The following RGS6 variants were observed in gnomAD, a reference collection of about 807,000 sequenced individuals.
RGS6 encodes regulator of G protein signaling 6.
In RGS6, 30 loss-of-function variants were observed where a neutral mutation model predicts 78.5. That is an observed-to-expected ratio of 0.38 (90% CI 0.29 to 0.52). RGS6 has a LOEUF of 0.52. RGS6 is among the 20% of genes least tolerant of loss of function. RGS6 has a pLI of 0.85. For synonymous variants in RGS6, 206 were observed against 206.0 expected (o/e 1.00, Z 0.00); for missense variants, 495 against 609.7 (o/e 0.81, Z 1.98).
chr14:71,884,989 A>T, the RGS6 span, among the ~76,000 whole-genome samples: 3 of 151,956 alleles, frequency 2.0e-5, no homozygotes, highest in African/African-American at 7.3e-5. Flanking sequence ...GCTAGTCCTG[A>T]CCTCCACCAT....
At chr14:72,370,158 A>AG (rs1230437204) in intron 3 of RGS6, among the ~76,000 whole-genome samples, 1 of 151,944 alleles carries the variant, frequency 6.6e-6, no homozygotes, top group Non-Finnish European at 1.5e-5. Flanking sequence ...GGTAAAAAAA[A>AG]AAAAAATTCA....
upstream of RGS6, among the ~76,000 whole-genome samples, chr14:71,929,613 T>C (rs147305452): frequency 1.5e-3 from 224 of 152,354 alleles, no homozygotes; most frequent in African/African-American, 5.0e-3. Context: ...TTTTTAGAGA[T>C]ATGCTTTGAG....
At chr14:71,949,386 T>A (rs2092018625) in intron 1 of RGS6, among the ~76,000 whole-genome samples, 1 of 152,188 alleles carries the variant, frequency 6.6e-6, no homozygotes, top group South Asian at 2.1e-4. Flanking sequence ...TGATGTCTTA[T>A]TATGGCTTCA....
At chr14:72,221,935 T>A (rs1045722149) in intron 2 of RGS6, among the ~76,000 whole-genome samples, 6 of 152,224 alleles carry the variant, frequency 3.9e-5, no homozygotes, top group African/African-American at 1.4e-4. Flanking sequence ...AGGAGATGTT[T>A]GGATGTGAAA....
intron 2 of RGS6, among the ~76,000 whole-genome samples, chr14:72,112,964 C>A (rs1235259317): frequency 1.3e-5 from 2 of 152,196 alleles, no homozygotes; most frequent in Non-Finnish European, 2.9e-5. Flanking sequence ...GAAAACAGTT[C>A]TCTTATGGGT....
intron 14 of RGS6, among the ~76,000 whole-genome samples, chr14:72,514,831 C>T (rs2096920818): frequency 6.6e-6 from 1 of 152,266 alleles, no homozygotes; most frequent in South Asian, 2.1e-4. Flanking sequence ...GGAGCGGTAC[C>T]TGCAGGTTTT....
chr14:72,332,755 G>A (rs911123959), intron 2 of RGS6, among the ~76,000 whole-genome samples: 15 of 152,212 alleles, frequency 9.9e-5, no homozygotes, highest in Non-Finnish European at 1.2e-4. Context: ...GGTGGGGGCT[G>A]TGGCAAGAGA....
At chr14:72,406,087 T>G (rs1440363950) in intron 3 of RGS6, among the ~76,000 whole-genome samples, 1 of 152,160 alleles carries the variant, frequency 6.6e-6, no homozygotes, top group Non-Finnish European at 1.5e-5. Flanking sequence ...GGCTCTTAGC[T>G]GCAAAAGAGG....
intron 2 of RGS6, among the ~76,000 whole-genome samples, chr14:72,276,288 G>A (rs182613435): frequency 3.9e-5 from 6 of 152,292 alleles, no homozygotes; most frequent in Non-Finnish European, 5.9e-5. Flanking sequence ...AATGGAAGGA[G>A]AGGGTCTACA....
At chr14:72,242,839 C>CTTTTTTTTTTTT (rs35675211) in intron 2 of RGS6, among the ~76,000 whole-genome samples, 30 of 69,128 alleles carry the variant, frequency 4.3e-4, no homozygotes, top group South Asian at 7.5e-4. Flanking sequence ...CATTTCTTTT[C>CTTTTTTTTTTTT]TTTTTTTTTT....
chr14:71,878,328 C>T, the RGS6 span, among the ~76,000 whole-genome samples: 1 of 152,216 alleles, frequency 6.6e-6, no homozygotes, highest in Non-Finnish European at 1.5e-5. Context: ...GTGGGCTCCA[C>T]CCAGTTCAAG....
At position 72,110,613 on chromosome 14, in the gene RGS6, G is replaced by T. The variant is rs943193753; in HGVS notation, c.84+145738G>T. Among the ~76,000 whole-genome samples, 3 of 152,280 alleles carry T rather than the reference G, an allele frequency of 2.0e-5. No individual in the cohort carries two copies. In the East Asian group the frequency reaches 5.8e-4, roughly 29 times the overall value. ...CCCTGAGCATCAGAGTGTAAATCCA[G>T]TTTCTCTTACTTGTGCAAACATGGA... On this transcript the variant is annotated intron_variant, in intron 2 of 17. Transcript: ENST00000553525.
chr14:72,363,718 A>G (rs1468012343), intron 3 of RGS6, among the ~76,000 whole-genome samples: 2 of 152,188 alleles, frequency 1.3e-5, no homozygotes, highest in Non-Finnish European at 1.5e-5. Flanking sequence ...ATAGTAAAAG[A>G]TTTTTATTTT....
At chr14:72,582,202 T>G in the RGS6 span, among the ~76,000 whole-genome samples, 1 of 152,096 alleles carries the variant, frequency 6.6e-6, no homozygotes, top group African/African-American at 2.4e-5. Flanking sequence ...GCCACCATAT[T>G]GGGGATCAAA....
chr14:71,927,176 GT>G, the RGS6 span, among the ~76,000 whole-genome samples: 1 of 152,216 alleles, frequency 6.6e-6, no homozygotes, highest in African/African-American at 2.4e-5. Flanking sequence ...CCTGGTGTAG[GT>G]TTTTAAAAAC....
intron 2 of RGS6, among the ~76,000 whole-genome samples, chr14:72,334,546 A>C (rs2075683446): frequency 6.6e-6 from 1 of 152,112 alleles, no homozygotes; most frequent in African/African-American, 2.4e-5. Flanking sequence ...CAGAAACCCA[A>C]ATTGCACCCA....
At position 72,183,083 on chromosome 14, in the gene RGS6, T is replaced by C. The variant is rs189658598; in HGVS notation, c.85-169012T>C. On this transcript the variant is annotated intron_variant, in intron 2 of 17. Coordinates refer to ENST00000553525, the MANE Select transcript of RGS6 (RefSeq NM_001204424.2). ...AGATGTGACTTTTGAAATACATTCT[T>C]CCTGGCTTTCAGATGTGCTATTAAT... Among the ~76,000 whole-genome samples the C allele has an allele frequency of 3.1e-3, 467 of 152,350 alleles. 2 individuals carry two copies. The highest frequency in any genetic ancestry group is 0.011 in the African/African-American group (455 of 41,582).
intron 3 of RGS6, among the ~76,000 whole-genome samples, chr14:72,356,409 A>G (rs983820382): frequency 6.6e-6 from 1 of 152,158 alleles, no homozygotes; most frequent in Non-Finnish European, 1.5e-5. Context: ...GCAGCCATGT[A>G]ATTAACTGTG....
chr14:72,620,738 G>A, the RGS6 span, among the ~76,000 whole-genome samples: 1 of 152,196 alleles, frequency 6.6e-6, no homozygotes, highest in African/African-American at 2.4e-5. Context: ...TACCTCAACT[G>A]GAAGTTGTCT....
Sources: gnomAD v4.1 joint callset for allele counts (sites outside exome capture counted in the v4.1 genomes callset) on GRCh38, gnomAD v4.1.1 for gene constraint, MANE v1.5 for transcripts, NCBI Gene and HGNC (gene_info 2026-07-23, HGNC 2026-07-21) for gene names.